Variants in PCDHGA8 observed in about 807,000 individuals in gnomAD.
PCDHGA8 encodes protocadherin gamma subfamily A, 8.
In PCDHGA8, 45 loss-of-function variants were observed where a neutral mutation model predicts 59.2. That is an observed-to-expected ratio of 0.76 (90% CI 0.60 to 0.98). The LOEUF (loss-of-function observed/expected upper bound fraction) is 0.98, where lower values mean the gene tolerates loss of function less well. Among genes scored for constraint, PCDHGA8 ranks in the 50% least tolerant of loss-of-function variants. PCDHGA8 has a pLI of 0.00. For synonymous variants in PCDHGA8, 531 were observed against 519.0 expected, an observed-to-expected ratio of 1.02 and a Z score of -0.32; for missense variants, 1,257 against 1,196.2, an observed-to-expected ratio of 1.05 and a Z score of -0.75.
chr5:141,413,188 A>C, intron 1 of PCDHGA8: 4 of 1,606,680 alleles, frequency 2.5e-6, no homozygotes, highest in Non-Finnish European at 3.4e-6. Flanking sequence ...GGCCGCTCAA[A>C]GGAATCGCTC....
In PCDHGA8 at chr5:141,432,571, G is replaced by A. The variant is rs776214748; in HGVS notation, c.2424+37334G>A. On this transcript the variant is annotated intron_variant, in intron 1 of 3. Coordinates refer to ENST00000398604, the MANE Select transcript of PCDHGA8 (RefSeq NM_032088.2). The surrounding 1 kb of genome is among the most constrained non-coding windows in gnomAD (Gnocchi z 6.0). ...GAGACTCCGGCCAGAACGCCTGGCT[G>A]TCCTACCGTCTGCTCAAGGCCAGCG... is the stretch of plus-strand genomic sequence containing the variant. 1.2e-6 allele frequency: 2 copies of A among 1,613,954 alleles called. No homozygotes were observed. Among genetic ancestry groups the A allele is most frequent in the South Asian group, 1.1e-5 (1 of 91,068 alleles).
chr5:141,428,846 A>G (rs936271540), intron 1 of PCDHGA8: 1 of 143,414 alleles, frequency 7.0e-6, no homozygotes, highest in Non-Finnish European at 1.5e-5. Flanking sequence ...CATTTTCACC[A>G]TTTTTACGGG....
intron 1 of PCDHGA8, chr5:141,415,367 CT>C (rs2095859649): frequency 6.2e-7 from 1 of 1,614,118 alleles, no homozygotes; most frequent in African/African-American, 1.3e-5. Flanking sequence ...CTGCTGCAGG[CT>C]TCAGGAGGCG....
intron 1 of PCDHGA8, among the ~76,000 whole-genome samples, chr5:141,468,047 G>A (rs901583535): frequency 2.0e-5 from 3 of 152,050 alleles, no homozygotes; most frequent in Non-Finnish European, 2.9e-5. Context: ...AAACTAAGCC[G>A]GGCACAGTGG....
chr5:141,419,391 G>A, intron 1 of PCDHGA8: 1 of 1,613,630 alleles, frequency 6.2e-7, no homozygotes. Flanking sequence ...AGCGCGCAGA[G>A]CGGGGTGGTG....
rs114669158 is a variant in PCDHGA8 at position 141,511,003 on chromosome 5, G to A, written c.2629G>A (p.Ala877Thr). The change falls in exon 4 of 4, where the codon GCC (alanine) becomes ACC (threonine). Residue 877 changes from alanine to threonine, a missense_variant. Physicochemically the swap from Ala to Thr is moderately conservative, Grantham distance 58 (BLOSUM62 0). Coordinates refer to ENST00000398604, the MANE Select transcript of PCDHGA8 (RefSeq NM_032088.2). Reference protein sequence around the residue: ...GGGAGTMGLSARYGPQFTLQH... With the variant: ...GGGAGTMGLSTRYGPQFTLQH... ...GGGTGCCGGCACCATGGGATTGAGCGCCCGCTACGGACCCCAGTTCACCCT... is the reference window on the plus strand; with the variant it reads ...GGGTGCCGGCACCATGGGATTGAGCACCCGCTACGGACCCCAGTTCACCCT... The A allele has an allele frequency of 1.0e-4, 163 of 1,614,148 alleles. 1 individual carries two copies. The highest frequency in any genetic ancestry group is 9.5e-5 in the Non-Finnish European group (112 of 1,180,012).
intron 1 of PCDHGA8, chr5:141,414,449 C>T (rs1223779483): frequency 6.2e-7 from 1 of 1,613,730 alleles, no homozygotes; most frequent in Non-Finnish European, 8.5e-7. Context: ...TACAATATCA[C>T]AGTGACAGCC....
intron 1 of PCDHGA8, chr5:141,420,181 T>C (rs1590216182): frequency 6.2e-7 from 1 of 1,613,998 alleles, no homozygotes; most frequent in Non-Finnish European, 8.5e-7. Context: ...TTGATCATTG[T>C]CCAGCCACAC....
At position 141,477,896 on chromosome 5, in the gene PCDHGA8, G is replaced by A. The variant is rs1444527086; in HGVS notation, c.2425-16911G>A. 2 of 1,614,174 alleles carry A rather than the reference G, an allele frequency of 1.2e-6. No individual in the cohort carries two copies. Among genetic ancestry groups the A allele is most frequent in the Non-Finnish European group, 1.7e-6 (2 of 1,180,038 alleles). ...AGCTGGCCACCTAGTGTCACGGGTG[G>A]TAGGCTGGGACGCGGATGCAGGGCA... On this transcript the variant is annotated intron_variant, in intron 1 of 3. Coordinates refer to ENST00000398604, the MANE Select transcript of PCDHGA8 (RefSeq NM_032088.2). The surrounding 1 kb of genome is among the most constrained non-coding windows in gnomAD (Gnocchi z 4.9).
At chr5:141,459,215 G>C (rs2098963353) in intron 1 of PCDHGA8, among the ~76,000 whole-genome samples, 1 of 152,112 alleles carries the variant, frequency 6.6e-6, no homozygotes, top group South Asian at 2.1e-4. Flanking sequence ...TACTTCTCCA[G>C]CTCCAGGCAA....
chr5:141,394,208 C>A lies in PCDHGA8; in HGVS notation c.1395C>A (p.Asn465Lys), dbSNP rs972602841. 3.7e-6 allele frequency: 6 copies of A among 1,613,930 alleles called. No individual in the cohort carries two copies. Among genetic ancestry groups the A allele is most frequent in the Non-Finnish European group, 5.1e-6 (6 of 1,179,884 alleles). ...ACTCAGCGTATATCCTAGAGAACAA[C>A]CTGAGAGGAGCCTCCATCTTTTCCT... ...ASYSAYILEN[N>K]LRGASIFSLT... Residue 465 changes from asparagine (N) to lysine (K), a missense_variant, in exon 1 of 4, where the codon AAC (asparagine) becomes AAA (lysine). Physicochemically the swap from Asn to Lys is moderately conservative, Grantham distance 94. Coordinates refer to ENST00000398604, the MANE Select transcript of PCDHGA8 (RefSeq NM_032088.2).
At position 141,392,779 on chromosome 5, in the gene PCDHGA8, T is replaced by A; in HGVS notation, c.-35T>A. 1 of 1,534,720 alleles carries A rather than the reference T, an allele frequency of 6.5e-7. No homozygotes were observed. The highest frequency in any genetic ancestry group is 8.8e-7 in the Non-Finnish European group (1 of 1,142,856). ...CTAAATAAGACCCATTTATGCACAGTGAAGATTCTGAGAGGATTCTGCAGC... is the reference window on the plus strand; with the variant it reads ...CTAAATAAGACCCATTTATGCACAGAGAAGATTCTGAGAGGATTCTGCAGC... On this transcript the variant is annotated 5_prime_UTR_variant, in exon 1 of 4. Coordinates refer to ENST00000398604, the MANE Select transcript of PCDHGA8 (RefSeq NM_032088.2).
At position 141,432,950 on chromosome 5, in the gene PCDHGA8, G is replaced by A. The variant is rs750033444; in HGVS notation, c.2424+37713G>A. 9.9e-6 allele frequency: 16 copies of A among 1,614,190 alleles called. No individual in the cohort carries two copies. The highest frequency in any genetic ancestry group is 1.3e-5 in the African/African-American group (1 of 75,060). ...ACGCCTGCTGCAGGCTTCAGGAGGC[G>A]GCTTGACAGGAGCGCCGGCGTCGCA... is the stretch of plus-strand genomic sequence containing the variant. On this transcript the variant is annotated intron_variant, in intron 1 of 3. Coordinates refer to ENST00000398604, the MANE Select transcript of PCDHGA8 (RefSeq NM_032088.2). This position sits in a 1 kb window ranked among gnomAD's most constrained non-coding sequence, Gnocchi z 6.0.
chr5:141,497,111 G>A (rs899232924), intron 2 of PCDHGA8, among the ~76,000 whole-genome samples: 16 of 152,010 alleles, frequency 1.1e-4, no homozygotes, highest in Non-Finnish European at 1.2e-4. Context: ...GCTTGAACCC[G>A]GAAGGCAGAG....
intron 1 of PCDHGA8, chr5:141,414,732 T>G: frequency 6.2e-7 from 1 of 1,614,186 alleles, no homozygotes; most frequent in Non-Finnish European, 8.5e-7. Context: ...GCGTCCTGTA[T>G]GCACTCAGAT....
intron 1 of PCDHGA8, among the ~76,000 whole-genome samples, chr5:141,463,542 G>A (rs1376087953): frequency 7.1e-6 from 1 of 141,810 alleles, no homozygotes; most frequent in African/African-American, 2.6e-5. Context: ...TCCGGCTCCC[G>A]GGTTCATGCC....
At chr5:141,420,672 G>T (rs1478670282) in intron 1 of PCDHGA8, among the ~76,000 whole-genome samples, 1 of 152,296 alleles carries the variant, frequency 6.6e-6, no homozygotes, top group African/African-American at 2.4e-5. Flanking sequence ...CCTACCTGAT[G>T]ATTTTATCGG....
At chr5:141,435,919 T>C (rs2097786247) in intron 1 of PCDHGA8, among the ~76,000 whole-genome samples, 2 of 152,148 alleles carry the variant, frequency 1.3e-5, no homozygotes, top group South Asian at 4.1e-4. Flanking sequence ...GGCTCTAAAA[T>C]GCGGCAGTTG....
intron 1 of PCDHGA8, chr5:141,414,372 A>G: frequency 1.2e-6 from 2 of 1,613,914 alleles, no homozygotes; most frequent in Non-Finnish European, 1.7e-6. Context: ...TTAAATTAGA[A>G]AAGTCCATTG....
Sources: gnomAD v4.1 joint callset for allele counts (sites outside exome capture counted in the v4.1 genomes callset) on GRCh38, gnomAD v4.1.1 for gene constraint, Gnocchi (gnomAD v3.1) non-coding constraint, MANE v1.5 for transcripts, NCBI Gene and HGNC (gene_info 2026-07-23, HGNC 2026-07-21) for gene names.